The following AMD1 variants were observed in gnomAD, a reference collection of about 807,000 sequenced individuals.
AMD1 encodes the protein adenosylmethionine decarboxylase 1.
In AMD1, 11 loss-of-function variants were observed where a neutral mutation model predicts 40.2. The ratio of observed to expected loss-of-function variants is 0.27; its 90% CI spans 0.17 to 0.45. The LOEUF (loss-of-function observed/expected upper bound fraction) is 0.45. Among genes scored for constraint, AMD1 ranks in the 20% least tolerant of loss-of-function variants. AMD1 has a pLI of 1.00. For synonymous variants in AMD1, 121 were observed against 130.8 expected, an observed-to-expected ratio of 0.93 and a Z score of 0.51; for missense variants, 257 against 410.2, an observed-to-expected ratio of 0.63 and a Z score of 3.23.
the AMD1 span, among the ~76,000 whole-genome samples, chr6:110,831,940 C>T: frequency 3.3e-5 from 5 of 151,822 alleles, no homozygotes; most frequent in Admixed American, 3.3e-4. Context: ...AACTCCCAGG[C>T]TCAAGCGATC....
the AMD1 span, among the ~76,000 whole-genome samples, chr6:110,867,535 G>A: frequency 6.6e-6 from 1 of 152,076 alleles, no homozygotes. Context: ...ATGTTGGCAG[G>A]TGCCTGCAGT....
chr6:110,860,827 A>G, the AMD1 span, among the ~76,000 whole-genome samples: 1 of 134,798 alleles, frequency 7.4e-6, no homozygotes, highest in Non-Finnish European at 1.6e-5. Context: ...AAAACAAAAC[A>G]CCCACCCACA....
chr6:110,850,117 G>T, the AMD1 span, among the ~76,000 whole-genome samples: 2 of 151,258 alleles, frequency 1.3e-5, no homozygotes, highest in East Asian at 3.9e-4. Flanking sequence ...TAAAAGAGCC[G>T]ATCTCTTCAT....
At chr6:110,878,266 A>G (rs1025651020) in intron 1 of AMD1, among the ~76,000 whole-genome samples, 2 of 151,696 alleles carry the variant, frequency 1.3e-5, no homozygotes, top group African/African-American at 4.8e-5. Context: ...TAGATCTGCA[A>G]TCCATCTGGA....
At chr6:110,847,485 A>G in the AMD1 span, among the ~76,000 whole-genome samples, 1 of 151,656 alleles carries the variant, frequency 6.6e-6, no homozygotes, top group African/African-American at 2.4e-5. Context: ...AGATCGCGCC[A>G]CTGCACTCCA....
upstream of AMD1, among the ~76,000 whole-genome samples, chr6:110,873,221 G>A (rs897330117): frequency 6.6e-6 from 1 of 152,106 alleles, no homozygotes; most frequent in Non-Finnish European, 1.5e-5. Flanking sequence ...AAAATTGGCC[G>A]GGTGTGTTGG....
At chr6:110,842,775 G>A in the AMD1 span, among the ~76,000 whole-genome samples, 9 of 152,114 alleles carry the variant, frequency 5.9e-5, no homozygotes, top group South Asian at 4.2e-4. Flanking sequence ...ATCCTCTCTG[G>A]AAGAACACCC....
chr6:110,816,197 A>T, the AMD1 span, among the ~76,000 whole-genome samples: 1 of 152,192 alleles, frequency 6.6e-6, no homozygotes, highest in African/African-American at 2.4e-5. Context: ...TTCTCTTAGC[A>T]TATGCGGTTC....
chr6:110,874,305 C>T (rs1371662369), upstream of AMD1, among the ~76,000 whole-genome samples: 2 of 152,166 alleles, frequency 1.3e-5, no homozygotes, highest in African/African-American at 2.4e-5. Context: ...CTGCGTTCGC[C>T]TTGGGAAAAC....
At chr6:110,830,716 C>A in the AMD1 span, among the ~76,000 whole-genome samples, 1 of 152,190 alleles carries the variant, frequency 6.6e-6, no homozygotes, top group Non-Finnish European at 1.5e-5. Context: ...TGTCTAACAC[C>A]ACCAGCTTGC....
chr6:110,886,551 C>T lies in AMD1; in HGVS notation c.111-954C>T, dbSNP rs566149543. On this transcript the variant is annotated intron_variant, in intron 1 of 8. Coordinates refer to ENST00000368885, the MANE Select transcript of AMD1 (RefSeq NM_001634.6). ...AAACTCCTGACCTCAAGTGATCCACCGCCTTGGCCTCCCAAAGTGCTGGGA... is the reference window on the plus strand; with the variant it reads ...AAACTCCTGACCTCAAGTGATCCACTGCCTTGGCCTCCCAAAGTGCTGGGA... Among the ~76,000 whole-genome samples, 25 of 152,236 alleles carry T rather than the reference C, an allele frequency of 1.6e-4. 1 individual carries two copies. The South Asian group carries it at 4.6e-3, about 28-fold the overall frequency.
chr6:110,891,849 TCTC>T, intron 4 of AMD1: 1 of 335,588 alleles, frequency 3.0e-6, no homozygotes, highest in South Asian at 3.4e-5. Context: ...TTCAAGCAGT[TCTC>T]CTGCCTCAGC....
chr6:110,832,471 A>G, the AMD1 span, among the ~76,000 whole-genome samples: 1 of 152,062 alleles, frequency 6.6e-6, no homozygotes, highest in African/African-American at 2.4e-5. Context: ...TCTTCAATTG[A>G]TGTCCCAACT....
chr6:110,877,830 AAGT>A (rs1224277176), intron 1 of AMD1, among the ~76,000 whole-genome samples: 2 of 152,200 alleles, frequency 1.3e-5, no homozygotes, highest in Non-Finnish European at 2.9e-5. Context: ...AATAAACTAA[AAGT>A]AGGTTAAAAG....
At chr6:110,838,866 T>A in the AMD1 span, among the ~76,000 whole-genome samples, 1 of 152,092 alleles carries the variant, frequency 6.6e-6, no homozygotes, top group Admixed American at 6.6e-5. Flanking sequence ...TCTACTGGGT[T>A]CAAGGGATTC....
the AMD1 span, chr6:110,858,832 G>GC: frequency 2.6e-6 from 2 of 777,134 alleles, no homozygotes; most frequent in African/African-American, 1.7e-5. Context: ...ACCACATCCT[G>GC]CCCCCCATGG....
chr6:110,889,041 T>C, intron 3 of AMD1, 58 bp downstream of exon 3: 1 of 1,581,280 alleles, frequency 6.3e-7, no homozygotes. Flanking sequence ...TCTTATCCTG[T>C]AATATGCGAA....
the AMD1 span, among the ~76,000 whole-genome samples, chr6:110,851,906 A>AT: frequency 2.6e-5 from 4 of 152,210 alleles, no homozygotes; most frequent in African/African-American, 9.6e-5. Context: ...AGAATAGTGA[A>AT]TGAATATGCA....
At chr6:110,821,086 T>G in the AMD1 span, among the ~76,000 whole-genome samples, 150 of 152,302 alleles carry the variant, frequency 9.8e-4, no homozygotes, top group African/African-American at 3.5e-3. Context: ...GAATTAAAAG[T>G]TGTGTTCTTC....
Sources: gnomAD v4.1 joint callset for allele counts (sites outside exome capture counted in the v4.1 genomes callset) on GRCh38, gnomAD v4.1.1 for gene constraint, MANE v1.5 for transcripts, NCBI Gene and HGNC (gene_info 2026-07-23, HGNC 2026-07-21) for gene names.